The following MAP2 variants were observed in gnomAD, a reference collection of about 807,000 sequenced individuals.
MAP2 encodes the protein microtubule-associated protein 2.
Under a neutral mutation model 137.6 loss-of-function variants are expected in MAP2, and 14 were observed. That is an observed-to-expected ratio of 0.10 (90% confidence interval 0.07 to 0.16). MAP2 has a LOEUF of 0.16. MAP2 is among the 10% of genes least tolerant of loss of function. The pLI is 1.00. For missense variants in MAP2, 2,088 were observed against 2,191.5 expected (o/e 0.95, Z 0.94); for synonymous variants, 786 against 782.3 (o/e 1.00, Z -0.08).
chr2:209,645,475 T>C (rs2153588376), intron 4 of MAP2, among the ~76,000 whole-genome samples: 1 of 152,264 alleles, frequency 6.6e-6, no homozygotes, highest in East Asian at 1.9e-4. Flanking sequence ...AACTAAGTAA[T>C]TTATTCCAAC....
chr2:209,705,513 T>C, intron 11 of MAP2, 67 bp from the exon 12 acceptor site: 1 of 1,386,294 alleles, frequency 7.2e-7, no homozygotes, highest in Middle Eastern at 1.9e-4. Context: ...AATAGCAAAA[T>C]CAATATCACT....
At position 209,490,326 on chromosome 2, in the gene MAP2, C is replaced by A. The variant is rs181511098; in HGVS notation, c.-221-17266C>A. 1.8e-4 allele frequency among the ~76,000 whole-genome samples: 27 copies of A among 152,054 alleles called. No individual in the cohort carries two copies. The East Asian group carries it at 4.3e-3, about 24-fold the overall frequency. ...CGGTACCAGACACTGCAAAAACAAG[C>A]CAAATGTAAAGACCATCGACACTAT... On this transcript the variant is annotated intron_variant, in intron 1 of 15. Coordinates refer to ENST00000682079, the MANE Select transcript of MAP2 (RefSeq NM_001375505.1).
At chr2:209,575,961 A>C (rs1014221040) in intron 2 of MAP2, among the ~76,000 whole-genome samples, 2 of 152,226 alleles carry the variant, frequency 1.3e-5, no homozygotes, top group African/African-American at 4.8e-5. Flanking sequence ...ATGATCTATG[A>C]GCAAAGGCTT....
chr2:209,480,657 TTAA>T (rs750597671), intron 1 of MAP2, among the ~76,000 whole-genome samples: 8 of 152,128 alleles, frequency 5.3e-5, no homozygotes, highest in Non-Finnish European at 7.4e-5. Flanking sequence ...TTGTTTGAGG[TTAA>T]TAATAAGATT....
intron 13 of MAP2, among the ~76,000 whole-genome samples, chr2:209,718,714 G>T (rs1185050623): frequency 6.6e-6 from 1 of 152,094 alleles, no homozygotes; most frequent in Non-Finnish European, 1.5e-5. Context: ...TGTGCATTTT[G>T]ACATAAACTG....
intron 1 of MAP2, among the ~76,000 whole-genome samples, chr2:209,488,774 G>T (rs1476116183): frequency 6.6e-6 from 1 of 152,192 alleles, no homozygotes; most frequent in East Asian, 1.9e-4. Flanking sequence ...CTGAAAGAAA[G>T]GCAGCAGCCC....
At chr2:209,447,461 C>T (rs1171860799) in intron 1 of MAP2, among the ~76,000 whole-genome samples, 1 of 151,994 alleles carries the variant, frequency 6.6e-6, no homozygotes, top group Non-Finnish European at 1.5e-5. Flanking sequence ...TATATAACCC[C>T]AGGCTACTGA....
chr2:209,517,365 A>C (rs2062663174), intron 2 of MAP2, among the ~76,000 whole-genome samples: 3 of 152,156 alleles, frequency 2.0e-5, no homozygotes, highest in Admixed American at 1.3e-4. Context: ...GCAAACATCA[A>C]GTACTTCATT....
Position 209,659,963 on chromosome 2 carries a change from A to G in MAP2, c.262+6531A>G, listed in dbSNP as rs576371760. Among the ~76,000 whole-genome samples, 16 of 152,092 alleles carry G rather than the reference A, an allele frequency of 1.1e-4. No homozygotes were observed. In the East Asian group the frequency reaches 3.1e-3, roughly 30 times the overall value. ...TGAGGTAGGAGAATGGTGTGAACCC[A>G]GGAGGCGGAGCTTGCAGCGAGCCGA... On this transcript the variant is annotated intron_variant, in intron 5 of 15. Coordinates refer to ENST00000682079, the MANE Select transcript of MAP2 (RefSeq NM_001375505.1).
At position 209,693,207 on chromosome 2, in the gene MAP2, A is replaced by T; in HGVS notation, c.1037A>T (p.Gln346Leu). The change falls in exon 8 of 16, where the codon CAG becomes CTG. Residue 346 changes from glutamine (Q) to leucine (L), a missense_variant. Physicochemically the swap from Gln to Leu is moderately radical, Grantham distance 113 (BLOSUM62 -2). Around this residue, in one of 6 missense-constraint regions of MAP2, gnomAD observed 859 missense variants for 794.5 expected, o/e 1.08. Coordinates refer to ENST00000682079, the MANE Select transcript of MAP2 (RefSeq NM_001375505.1). ...ETSPFAPAFL[Q>L]PDDKKSLQQT... ...TCGCCCTTTGCCCCTGCCTTTTTAC[A>T]GCCAGATGACAAAAAATCTCTGCAA... 6.2e-7 allele frequency: 1 copy of T among 1,612,648 alleles called. No individual in the cohort carries two copies. The highest frequency in any genetic ancestry group is 8.5e-7 in the Non-Finnish European group (1 of 1,179,654).
intron 2 of MAP2, among the ~76,000 whole-genome samples, chr2:209,553,195 T>C: frequency 6.6e-6 from 1 of 152,004 alleles, no homozygotes; most frequent in African/African-American, 2.4e-5. Flanking sequence ...GTATATTTAG[T>C]AGAGATGGGG....
At chr2:209,571,292 C>A (rs76692990) in intron 2 of MAP2, among the ~76,000 whole-genome samples, 2,999 of 152,020 alleles carry the variant, frequency 0.02, 95 homozygotes, top group African/African-American at 0.068. Flanking sequence ...AGAGTGCCCT[C>A]TACCCCATGT....
rs116735391 is a variant in MAP2 at position 209,453,237 on chromosome 2, G to A, written c.-222+28961G>A. Reference sequence around the variant, plus strand: ...CTTCGATGAGCTATCTGAACCCCTGGATATTCTCTGCTTTAATGATGCATG... The same window carrying A: ...CTTCGATGAGCTATCTGAACCCCTGAATATTCTCTGCTTTAATGATGCATG... On this transcript the variant is annotated intron_variant, in intron 1 of 15. Transcript: ENST00000682079. Among the ~76,000 whole-genome samples, 527 of 151,854 alleles carry A rather than the reference G, an allele frequency of 3.5e-3. 5 individuals carry two copies. Among genetic ancestry groups the A allele is most frequent in the Middle Eastern group, 0.021 (6 of 292 alleles).
intron 12 of MAP2, among the ~76,000 whole-genome samples, chr2:209,708,606 T>A (rs1183960082): frequency 6.6e-6 from 1 of 152,172 alleles, no homozygotes; most frequent in Non-Finnish European, 1.5e-5. Context: ...CCTATATTTA[T>A]GATCAATTGC....
intron 2 of MAP2, among the ~76,000 whole-genome samples, chr2:209,562,543 A>C (rs1237726995): frequency 6.6e-6 from 1 of 152,112 alleles, no homozygotes; most frequent in Non-Finnish European, 1.5e-5. Context: ...CTAAAAATAC[A>C]AAAATTAGCC....
At chr2:209,659,038 A>G (rs2042203676) in intron 5 of MAP2, among the ~76,000 whole-genome samples, 1 of 152,206 alleles carries the variant, frequency 6.6e-6, no homozygotes, top group Non-Finnish European at 1.5e-5. Flanking sequence ...AGACTAAGGC[A>G]CAGAATGGCT....
intron 1 of MAP2, among the ~76,000 whole-genome samples, chr2:209,488,253 C>G (rs2149933250): frequency 6.6e-6 from 1 of 152,330 alleles, no homozygotes; most frequent in South Asian, 2.1e-4. Context: ...CTATCTGGCC[C>G]ACATACTACG....
At chr2:209,482,979 A>C (rs1467454088) in intron 1 of MAP2, among the ~76,000 whole-genome samples, 1 of 152,166 alleles carries the variant, frequency 6.6e-6, no homozygotes, top group Non-Finnish European at 1.5e-5. Flanking sequence ...ATTAGGGCAA[A>C]GTAGATTTTA....
chr2:209,545,964 C>A (rs988147666), intron 2 of MAP2, among the ~76,000 whole-genome samples: 7 of 152,054 alleles, frequency 4.6e-5, no homozygotes, highest in Non-Finnish European at 8.8e-5. Context: ...CACGGTGAAA[C>A]CCCGTCTCTA....
Sources: allele counts gnomAD v4.1 joint callset (sites outside exome capture counted in the v4.1 genomes callset), GRCh38; gene constraint gnomAD v4.1.1; regional missense constraint gnomAD v4.1.1; transcripts MANE v1.5; gene names NCBI Gene and HGNC (gene_info 2026-07-23, HGNC 2026-07-21).